Variants in ARB2A observed in about 807,000 individuals in gnomAD.
ARB2A encodes ARB2 cotranscriptional regulator A.
the ARB2A span, among the ~76,000 whole-genome samples, chr5:93,986,963 A>C: frequency 3.1e-3 from 474 of 152,220 alleles, 10 homozygotes; most frequent in Middle Eastern, 0.024. Context: ...CTATTGTCCT[A>C]TGACCCTGCC....
chr5:93,717,333 A>G, the ARB2A span, among the ~76,000 whole-genome samples: 104 of 152,288 alleles, frequency 6.8e-4, 1 homozygote, highest in African/African-American at 2.5e-3. Flanking sequence ...GTCAGCACCA[A>G]GCGGTGCCAC....
At chr5:93,842,202 G>A in the ARB2A span, among the ~76,000 whole-genome samples, 3 of 152,232 alleles carry the variant, frequency 2.0e-5, no homozygotes, top group Non-Finnish European at 2.9e-5. Flanking sequence ...ACTTTTTGGG[G>A]GTGATGAAAG....
chr5:93,635,723 A>C, the ARB2A span, among the ~76,000 whole-genome samples: 16 of 152,222 alleles, frequency 1.1e-4, no homozygotes, highest in Non-Finnish European at 1.9e-4. Context: ...TACAGGCATG[A>C]GCTACTGCGT....
the ARB2A span, among the ~76,000 whole-genome samples, chr5:93,813,561 A>T: frequency 6.6e-6 from 1 of 152,174 alleles, no homozygotes; most frequent in Non-Finnish European, 1.5e-5. Context: ...TTTGATAAGG[A>T]GATTAGCATG....
chr5:94,055,611 A>C, the ARB2A span: 2 of 984,308 alleles, frequency 2.0e-6, no homozygotes, highest in Non-Finnish European at 2.4e-6. Flanking sequence ...TACTGGGTTT[A>C]AAAAGGGACA....
chr5:94,078,690 G>T, the ARB2A span, among the ~76,000 whole-genome samples: 1 of 152,056 alleles, frequency 6.6e-6, no homozygotes, highest in African/African-American at 2.4e-5. Flanking sequence ...GGAATACCAG[G>T]TTCCAATCCA....
At chr5:93,800,032 G>A in the ARB2A span, among the ~76,000 whole-genome samples, 6 of 151,926 alleles carry the variant, frequency 3.9e-5, no homozygotes, top group South Asian at 2.1e-4. Flanking sequence ...TGAAAAATGC[G>A]AACAGAAAAA....
the ARB2A span, among the ~76,000 whole-genome samples, chr5:94,025,820 C>A: frequency 6.6e-6 from 1 of 152,194 alleles, no homozygotes; most frequent in East Asian, 1.9e-4. Flanking sequence ...GCCAGTGACG[C>A]CCCTGCCGAG....
the ARB2A span, among the ~76,000 whole-genome samples, chr5:93,798,316 C>T: frequency 6.6e-6 from 1 of 152,060 alleles, no homozygotes; most frequent in Non-Finnish European, 1.5e-5. Flanking sequence ...ATCTATTAGT[C>T]CCCTTTCTCC....
At chr5:93,802,127 C>G in the ARB2A span, among the ~76,000 whole-genome samples, 1 of 151,932 alleles carries the variant, frequency 6.6e-6, no homozygotes, top group African/African-American at 2.4e-5. Context: ...TTAAAAAACA[C>G]TAAATATATT....
the ARB2A span, among the ~76,000 whole-genome samples, chr5:94,074,165 T>C: frequency 6.6e-6 from 1 of 152,150 alleles, no homozygotes; most frequent in African/African-American, 2.4e-5. Context: ...GATAGCAGAT[T>C]TATTTTTTAA....
At chr5:93,813,381 G>A in the ARB2A span, among the ~76,000 whole-genome samples, 1 of 152,130 alleles carries the variant, frequency 6.6e-6, no homozygotes, top group South Asian at 2.1e-4. Flanking sequence ...GGAGCAGCTT[G>A]TTCCTCTTGA....
chr5:94,042,368 C>T, the ARB2A span, among the ~76,000 whole-genome samples: 3,722 of 143,958 alleles, frequency 0.026, 67 homozygotes, highest in Non-Finnish European at 0.039. Flanking sequence ...AGCCCAGGCG[C>T]GACCTCAGCT....
chr5:93,687,601 C>T, the ARB2A span, among the ~76,000 whole-genome samples: 1 of 152,042 alleles, frequency 6.6e-6, no homozygotes, highest in African/African-American at 2.4e-5. Context: ...GCAATATGTA[C>T]ATTTTTTTGG....
chr5:93,908,865 C>T, the ARB2A span, among the ~76,000 whole-genome samples: 1 of 150,696 alleles, frequency 6.6e-6, no homozygotes, highest in African/African-American at 2.4e-5. Context: ...CTTCTAAAAA[C>T]CAAACTTTCC....
chr5:93,738,534 G>A, the ARB2A span: 1 of 152,080 alleles, frequency 6.6e-6, no homozygotes, highest in African/African-American at 2.4e-5. Context: ...ATAGCCCATT[G>A]GCTATTAATG....
At chr5:93,929,577 A>G in the ARB2A span, among the ~76,000 whole-genome samples, 1 of 152,206 alleles carries the variant, frequency 6.6e-6, no homozygotes, top group Non-Finnish European at 1.5e-5. Flanking sequence ...TTACTCACAA[A>G]AAAAGTAAAG....
the ARB2A span, among the ~76,000 whole-genome samples, chr5:94,002,493 G>A: frequency 5.3e-5 from 8 of 151,660 alleles, no homozygotes; most frequent in Non-Finnish European, 7.4e-5. Flanking sequence ...TGATGTCTGC[G>A]CATTATTTTC....
chr5:93,948,858 G>T, the ARB2A span, among the ~76,000 whole-genome samples: 2 of 152,136 alleles, frequency 1.3e-5, no homozygotes, highest in Admixed American at 6.6e-5. Context: ...ACAGGCACTA[G>T]CCACAAAGCC....
Sources: gnomAD v4.1 joint callset for allele counts (sites outside exome capture counted in the v4.1 genomes callset) on GRCh38, gnomAD v4.1.1 for gene constraint, MANE v1.5 for transcripts, NCBI Gene and HGNC (gene_info 2026-07-23, HGNC 2026-07-21) for gene names.